The following CNTNAP5 variants were observed in gnomAD, a reference collection of about 807,000 sequenced individuals.
CNTNAP5 encodes contactin-associated protein-like 5.
CNTNAP5 carries 72 observed loss-of-function variants against 150.2 expected under a neutral mutation model. The observed-to-expected ratio is 0.48, with a 90% CI of 0.40 to 0.58. The LOEUF (loss-of-function observed/expected upper bound fraction) is 0.58, where lower values mean the gene tolerates loss of function less well. Among genes scored for constraint, CNTNAP5 ranks in the 20% least tolerant of loss-of-function variants. The pLI is 0.00. For missense variants in CNTNAP5, 1,636 were observed against 1,626.2 expected, an observed-to-expected ratio of 1.01 and a Z score of -0.10; for synonymous variants, 672 against 619.8, an observed-to-expected ratio of 1.08 and a Z score of -1.25.
chr2:124,431,547 T>TATTATATATAATTTCTTTATACAAAC (rs1692383033), intron 4 of CNTNAP5, among the ~76,000 whole-genome samples: 2 of 92,138 alleles, frequency 2.2e-5, no homozygotes, highest in African/African-American at 4.0e-5. Flanking sequence ...TTTATATAAA[T>TATTATATATAATTTCTTTATACAAAC]ATTATATATA....
At chr2:124,773,155 A>T (rs1681243380) in intron 17 of CNTNAP5, 138 bp downstream of exon 17, 1 of 700,304 alleles carries the variant, frequency 1.4e-6, no homozygotes, top group Admixed American at 2.7e-5. Context: ...GGTAAATTTC[A>T]TTCTATACAT....
rs1043451377 is a variant in CNTNAP5 at position 124,918,269 on chromosome 2, G to A, written c.*3981G>A. 6.6e-6 allele frequency among the ~76,000 whole-genome samples: 1 copy of A among 152,062 alleles called. No individual in the cohort carries two copies. Among genetic ancestry groups the A allele is most frequent in the African/African-American group, 2.4e-5 (1 of 41,432 alleles). The stretch of plus-strand genomic sequence containing the variant: ...TGTTCTTCCAGATGTTCCTGAAGGT[G>A]GTTTGGTTGTCATCCAGCTCTTCCT... On this transcript the variant is annotated 3_prime_UTR_variant, in exon 24 of 24. Coordinates refer to ENST00000682447, the MANE Select transcript of CNTNAP5 (RefSeq NM_001367498.1).
chr2:124,586,228 G>T (rs1026335475), intron 11 of CNTNAP5, among the ~76,000 whole-genome samples: 1 of 152,166 alleles, frequency 6.6e-6, no homozygotes, highest in Non-Finnish European at 1.5e-5. Context: ...CTTATCTTTA[G>T]AGATTATTTT....
intron 8 of CNTNAP5, among the ~76,000 whole-genome samples, chr2:124,518,661 G>A (rs1007051542): frequency 1.3e-5 from 2 of 151,904 alleles, no homozygotes; most frequent in African/African-American, 4.8e-5. Flanking sequence ...TGCCCCAAGT[G>A]GAAACAATTC....
At chr2:124,836,473 G>A (rs1682831787) in intron 19 of CNTNAP5, among the ~76,000 whole-genome samples, 1 of 152,104 alleles carries the variant, frequency 6.6e-6, no homozygotes, top group South Asian at 2.1e-4. Context: ...GGAGGAATTG[G>A]GAATGGTGAT....
chr2:124,133,304 A>T (rs1683902555), intron 1 of CNTNAP5, among the ~76,000 whole-genome samples: 1 of 152,034 alleles, frequency 6.6e-6, no homozygotes. Context: ...CTTAAAAAAA[A>T]CAAAACAAAA....
In CNTNAP5 at chr2:124,657,829, C is replaced by T. The variant is rs563710956; in HGVS notation, c.2077+9871C>T. On this transcript the variant is annotated intron_variant, in intron 13 of 23. Coordinates refer to ENST00000682447, the MANE Select transcript of CNTNAP5 (RefSeq NM_001367498.1). The stretch of plus-strand genomic sequence containing the variant: ...GCTCTCTCTACCCAGAAGCCTTGTT[C>T]CTCTCTCCATGCTTAGCTGTCTCTG... 3.3e-5 allele frequency among the ~76,000 whole-genome samples: 5 copies of T among 152,314 alleles called. No homozygotes were observed. In the East Asian group the frequency reaches 7.7e-4, roughly 24 times the overall value.
intron 2 of CNTNAP5, among the ~76,000 whole-genome samples, chr2:124,224,900 G>T (rs1170611): frequency 0.77 from 116,818 of 152,028 alleles, 45,189 homozygotes; most frequent in East Asian, 1. Flanking sequence ...TCCTGTCTAT[G>T]CACTGACATG....
chr2:124,092,216 C>G (rs6731948), intron 1 of CNTNAP5, among the ~76,000 whole-genome samples: 147,707 of 152,306 alleles, frequency 0.97, 71,779 homozygotes, highest in East Asian at 1. Context: ...GATTTATTTG[C>G]GATAGCCTAT....
At chr2:124,485,981 C>T (rs1693871945) in intron 7 of CNTNAP5, among the ~76,000 whole-genome samples, 1 of 152,128 alleles carries the variant, frequency 6.6e-6, no homozygotes, top group South Asian at 2.1e-4. Flanking sequence ...AAATAAGTCC[C>T]TATAAGAGAA....
In CNTNAP5 at chr2:124,088,232, C is replaced by T. The variant is rs1682739154; in HGVS notation, c.82+62500C>T. On this transcript the variant is annotated intron_variant, in intron 1 of 23. Coordinates refer to ENST00000682447, the MANE Select transcript of CNTNAP5 (RefSeq NM_001367498.1). ...CTGCTATTAAGACTATCAAGCCTGT[C>T]CTCTGAGGATTTTATTACATTTCTA... Among the ~76,000 whole-genome samples the T allele has an allele frequency of 2.6e-5, 4 of 152,066 alleles. No individual in the cohort carries two copies. In the South Asian group the frequency reaches 6.2e-4, roughly 24 times the overall value.
chr2:124,570,164 C>G (rs754587355), intron 11 of CNTNAP5, among the ~76,000 whole-genome samples: 1 of 152,178 alleles, frequency 6.6e-6, no homozygotes, highest in Non-Finnish European at 1.5e-5. Context: ...TAGATATCCA[C>G]TCTTTGATGT....
chr2:124,202,509 G>T (rs1013863148), intron 1 of CNTNAP5, among the ~76,000 whole-genome samples: 1 of 152,132 alleles, frequency 6.6e-6, no homozygotes, highest in Non-Finnish European at 1.5e-5. Context: ...AGAGCAGGAC[G>T]GGGCCAACTT....
intron 19 of CNTNAP5, among the ~76,000 whole-genome samples, chr2:124,808,436 G>T (rs556527512): frequency 6.6e-6 from 1 of 151,866 alleles, no homozygotes; most frequent in South Asian, 2.1e-4. Flanking sequence ...AAAAATACAA[G>T]AATTTGTCGG....
chr2:124,627,341 T>C (rs1194475775), intron 12 of CNTNAP5, among the ~76,000 whole-genome samples: 1 of 151,810 alleles, frequency 6.6e-6, no homozygotes, highest in Non-Finnish European at 1.5e-5. Flanking sequence ...GGACATCAGG[T>C]CAGTGTCCCT....
At chr2:124,061,210 C>G (rs1316884150) in intron 1 of CNTNAP5, among the ~76,000 whole-genome samples, 1 of 152,218 alleles carries the variant, frequency 6.6e-6, no homozygotes. Flanking sequence ...TGCATTTCAC[C>G]TTTCAGTGTG....
intron 1 of CNTNAP5, among the ~76,000 whole-genome samples, chr2:124,159,122 A>C (rs1684614299): frequency 6.6e-6 from 1 of 152,232 alleles, no homozygotes; most frequent in South Asian, 2.1e-4. Flanking sequence ...TTGACATTGC[A>C]TATATGACAT....
At chr2:124,759,928 A>T (rs1191078277) in intron 14 of CNTNAP5, among the ~76,000 whole-genome samples, 1 of 137,890 alleles carries the variant, frequency 7.3e-6, no homozygotes, top group Non-Finnish European at 1.5e-5. Flanking sequence ...TGTTACCTAA[A>T]CTCCTCGGTC....
chr2:124,192,113 T>A (rs1468390009), intron 1 of CNTNAP5, among the ~76,000 whole-genome samples: 1 of 152,154 alleles, frequency 6.6e-6, no homozygotes, highest in African/African-American at 2.4e-5. Context: ...AACTTGCAGA[T>A]CCACATGCTC....
Sources: gnomAD v4.1 joint callset for allele counts (sites outside exome capture counted in the v4.1 genomes callset) on GRCh38, gnomAD v4.1.1 for gene constraint, MANE v1.5 for transcripts, NCBI Gene and HGNC (gene_info 2026-07-23, HGNC 2026-07-21) for gene names.